Variants in IFT81 observed in about 807,000 individuals in gnomAD.
IFT81 encodes intraflagellar transport protein 81 homolog.
IFT81 carries 72 observed loss-of-function variants against 102.6 expected under a neutral mutation model. The observed-to-expected ratio is 0.70, with a 90% CI of 0.58 to 0.85. The LOEUF (loss-of-function observed/expected upper bound fraction) is 0.85, where lower values mean the gene tolerates loss of function less well. Ranked by LOEUF, IFT81 falls within the 40% of genes least tolerant of loss-of-function variation. The pLI is 0.00. For synonymous variants in IFT81, 237 were observed against 242.7 expected (o/e 0.98, Z 0.22); for missense variants, 723 against 787.3 (o/e 0.92, Z 0.98).
chr12:110,142,388 G>A (rs1215630470), intron 8 of IFT81, among the ~76,000 whole-genome samples: 2 of 151,856 alleles, frequency 1.3e-5, no homozygotes, highest in African/African-American at 4.8e-5. Flanking sequence ...GGCTGCTCTC[G>A]AACTCTAGAC....
chr12:110,191,127 A>G (rs1897778732), intron 13 of IFT81, 79 bp downstream of exon 13: 1 of 1,270,302 alleles, frequency 7.9e-7, no homozygotes, highest in Non-Finnish European at 1.1e-6. Context: ...ATTTTCAGTG[A>G]AACATTCACC....
intron 9 of IFT81, among the ~76,000 whole-genome samples, chr12:110,145,980 T>A (rs556923228): frequency 3.3e-5 from 5 of 151,762 alleles, no homozygotes; most frequent in African/African-American, 1.2e-4. Context: ...CCAGCTAATT[T>A]TTTGTATTTT....
At chr12:110,134,830 G>A in intron 5 of IFT81, 118 bp from the exon 6 acceptor site, 3 of 704,202 alleles carry the variant, frequency 4.3e-6, no homozygotes, top group Non-Finnish European at 7.1e-6. Flanking sequence ...GATCTTGGTT[G>A]TTAATGCTGT....
intron 11 of IFT81, among the ~76,000 whole-genome samples, chr12:110,179,769 TATATACACACAC>T (rs1361860751): frequency 3.1e-5 from 2 of 65,386 alleles, no homozygotes; most frequent in African/African-American, 5.4e-5. Flanking sequence ...TATATATATA[TATATACACACAC>T]ACACACACAC....
chr12:110,211,205 A>C (rs1369645374), intron 18 of IFT81, among the ~76,000 whole-genome samples: 1 of 111,538 alleles, frequency 9.0e-6, no homozygotes, highest in African/African-American at 3.5e-5. Context: ...TTGGCAATAT[A>C]TTAGGGAAGG....
intron 10 of IFT81, among the ~76,000 whole-genome samples, chr12:110,154,100 A>C (rs1349102265): frequency 6.6e-6 from 1 of 151,996 alleles, no homozygotes; most frequent in African/African-American, 2.4e-5. Context: ...TCTCTGCCTC[A>C]GCCTTCCAAG....
rs372213083 is a variant in IFT81, at chr12:110,162,960, A to G, written c.1083A>G (p.Glu361=). ...ISRKKEAKAE[E]LQEAKEKLAS... Reference sequence around the variant, plus strand: ...GTAAAAAAGAAGCCAAAGCTGAGGAACTTCAGGAGGCCAAGGAGAAGTTAG... The same window carrying G: ...GTAAAAAAGAAGCCAAAGCTGAGGAGCTTCAGGAGGCCAAGGAGAAGTTAG... Residue 361 remains glutamate (E), a synonymous_variant, in exon 11 of 19, where the codon GAA becomes GAG. Transcript: ENST00000242591. The G allele has an allele frequency of 1.2e-6, 2 of 1,613,924 alleles. No homozygotes were observed. The highest frequency in any genetic ancestry group is 1.7e-6 in the Non-Finnish European group (2 of 1,179,888).
chr12:110,177,283 T>A (rs749958102), intron 11 of IFT81, among the ~76,000 whole-genome samples: 10 of 151,988 alleles, frequency 6.6e-5, no homozygotes, highest in South Asian at 2.1e-4. Context: ...TTTTGTTTTG[T>A]TTTGTTTTGT....
At chr12:110,180,322 T>G in intron 11 of IFT81, 100 bp from the exon 12 acceptor site, 1 of 520,408 alleles carries the variant, frequency 1.9e-6, no homozygotes, top group Non-Finnish European at 3.1e-6. Flanking sequence ...TGTTGGGAAG[T>G]AGAGAAGAAA....
chr12:110,161,506 T>C (rs1461559528), intron 10 of IFT81, among the ~76,000 whole-genome samples: 1 of 151,298 alleles, frequency 6.6e-6, no homozygotes, highest in Admixed American at 6.6e-5. Flanking sequence ...TGTAGTGGCA[T>C]GATCATAGCT....
rs146881442 is a variant in IFT81 at position 110,132,645 on chromosome 12, A to C, written c.519+9A>C. 4.9e-4 allele frequency: 692 copies of C among 1,411,088 alleles called. 3 individuals are homozygous for C. The highest frequency in any genetic ancestry group is 6.1e-4 in the Non-Finnish European group (613 of 1,010,210). 87.4% of individuals were successfully genotyped at this position (1,411,088 alleles called of 1,614,324 possible). ...CAGCAGAAATAAGAAAGGTAAAGGA[A>C]AGAAAACATAGTAACAATTTTTTTG... On this transcript the variant is annotated intron_variant, in intron 5 of 18. Coordinates refer to ENST00000242591, the MANE Select transcript of IFT81 (RefSeq NM_014055.4).
Position 110,186,746 on chromosome 12 carries a change from G to C in IFT81, c.1339-4174G>C, listed in dbSNP as rs140036971. Among the ~76,000 whole-genome samples, 369 of 152,178 alleles carry C rather than the reference G, an allele frequency of 2.4e-3. 2 individuals are homozygous for C. The highest frequency in any genetic ancestry group is 5.2e-3 in the South Asian group (25 of 4,814). On this transcript the variant is annotated intron_variant, in intron 12 of 18. Coordinates refer to ENST00000242591, the MANE Select transcript of IFT81 (RefSeq NM_014055.4). ...GGGTTTTGCCATGATGCCCAGGCTG[G>C]TCTTGAACTCCTGGGTCCAAACGAT...
intron 17 of IFT81, among the ~76,000 whole-genome samples, chr12:110,207,595 C>T (rs1282799424): frequency 3.1e-5 from 4 of 128,678 alleles, no homozygotes; most frequent in Admixed American, 2.6e-4. Context: ...CGGAGTCTCA[C>T]TCTGTTGCCC....
At chr12:110,129,316 G>C (rs1894033715) in intron 4 of IFT81, among the ~76,000 whole-genome samples, 186 bp downstream of exon 4, 1 of 150,686 alleles carries the variant, frequency 6.6e-6, no homozygotes, top group Non-Finnish European at 1.5e-5. Context: ...CACAAATACT[G>C]TTTTAGTGAT....
chr12:110,211,897 C>G (rs1367244523), intron 18 of IFT81, among the ~76,000 whole-genome samples: 1 of 152,128 alleles, frequency 6.6e-6, no homozygotes, highest in Admixed American at 6.6e-5. Context: ...ATATGGATGT[C>G]TAATTTCATT....
chr12:110,165,745 C>CT (rs1896400513), intron 11 of IFT81, among the ~76,000 whole-genome samples: 2 of 152,200 alleles, frequency 1.3e-5, no homozygotes, highest in Admixed American at 1.3e-4. Flanking sequence ...CAGGACCTCT[C>CT]TAAGATCTGT....
At chr12:110,202,766 T>A (rs998431157) in intron 14 of IFT81, among the ~76,000 whole-genome samples, 1 of 152,152 alleles carries the variant, frequency 6.6e-6, no homozygotes, top group Non-Finnish European at 1.5e-5. Flanking sequence ...CCACCTTTTC[T>A]TAGCAGTATA....
At chr12:110,216,977 A>C (rs957928112) in intron 18 of IFT81, 10 of 190,548 alleles carry the variant, frequency 5.2e-5, no homozygotes, top group African/African-American at 2.4e-4. Context: ...AGGCTAATAA[A>C]TGAATTATTT....
At chr12:110,195,930 C>CT (rs1297373222) in intron 14 of IFT81, among the ~76,000 whole-genome samples, 11 of 152,066 alleles carry the variant, frequency 7.2e-5, no homozygotes, top group African/African-American at 2.4e-5. Flanking sequence ...ATGGAGAGAT[C>CT]TGAGGCCAAC....
Sources: gnomAD v4.1 joint callset for allele counts (sites outside exome capture counted in the v4.1 genomes callset) on GRCh38, gnomAD v4.1.1 for gene constraint, MANE v1.5 for transcripts, NCBI Gene and HGNC (gene_info 2026-07-23, HGNC 2026-07-21) for gene names.